PLEKHG1: variants seen among roughly 807,000 people sequenced by gnomAD.
PLEKHG1 encodes the protein pleckstrin homology domain-containing family G member 1.
PLEKHG1 carries 44 observed loss-of-function variants against 100.8 expected under a neutral mutation model. The observed-to-expected ratio is 0.44, with a 90% CI of 0.34 to 0.56. The LOEUF (loss-of-function observed/expected upper bound fraction) is 0.56, where lower values mean the gene tolerates loss of function less well. Among genes scored for constraint, PLEKHG1 ranks in the 20% least tolerant of loss-of-function variants. The pLI, the probability that PLEKHG1 is intolerant of heterozygous loss-of-function variation, is 0.01. For missense variants in PLEKHG1, 1,545 were observed against 1,720.9 expected (o/e 0.90, Z 1.81); for synonymous variants, 640 against 662.5 (o/e 0.97, Z 0.52).
At chr6:150,679,297 G>A (rs1779860597) in intron 3 of PLEKHG1, among the ~76,000 whole-genome samples, 1 of 152,148 alleles carries the variant, frequency 6.6e-6, no homozygotes, top group Non-Finnish European at 1.5e-5. Context: ...GCTCCAAAGA[G>A]ATATTTAGTT....
At chr6:150,611,631 G>A (rs1172372991) in intron 1 of PLEKHG1, among the ~76,000 whole-genome samples, 1 of 152,106 alleles carries the variant, frequency 6.6e-6, no homozygotes, top group South Asian at 2.1e-4. Context: ...GGCCAACATG[G>A]TGAAACCCTG....
chr6:150,679,670 G>A (rs1779870005), intron 3 of PLEKHG1, among the ~76,000 whole-genome samples: 1 of 152,226 alleles, frequency 6.6e-6, no homozygotes, highest in Non-Finnish European at 1.5e-5. Context: ...TGTACTCTGT[G>A]CCAGGTGCTG....
Position 150,758,661 on chromosome 6 carries a change from T to C in PLEKHG1, c.412-9977T>C, listed in dbSNP as rs118126189. ...TTTCTTGACTTTTTAACAATCGTCATTCTGACTAAGCATGAGATGGTATCT... is the reference window on the plus strand; with the variant it reads ...TTTCTTGACTTTTTAACAATCGTCACTCTGACTAAGCATGAGATGGTATCT... On this transcript the variant is annotated intron_variant, in intron 2 of 15. Coordinates refer to ENST00000358517, the Ensembl canonical transcript of PLEKHG1. Among the ~76,000 whole-genome samples, 734 of 152,378 alleles carry C rather than the reference T, an allele frequency of 4.8e-3. 2 individuals carry two copies. The highest frequency in any genetic ancestry group is 8.6e-3 in the Non-Finnish European group (585 of 68,032).
In PLEKHG1 at chr6:150,798,216, T is replaced by A. The variant is rs577773427; in HGVS notation, c.629+2314T>A. Among the ~76,000 whole-genome samples, 102 of 152,278 alleles carry A rather than the reference T, an allele frequency of 6.7e-4. 1 individual carries two copies. In the South Asian group the frequency reaches 0.02, roughly 30 times the overall value. On this transcript the variant is annotated intron_variant, in intron 5 of 15. Transcript: ENST00000358517. ...AGAAATCACAGAATCAGCCCTCATC[T>A]TCTCCACAAAACTTCTTCCTTAGGG...
At chr6:150,763,627 G>A (rs576395257) in intron 2 of PLEKHG1, among the ~76,000 whole-genome samples, 14 of 152,264 alleles carry the variant, frequency 9.2e-5, no homozygotes, top group African/African-American at 2.9e-4. Context: ...TGCAGATGGG[G>A]CCTGCTAGAG....
chr6:150,834,891 G>T (rs1777143882), intron 15 of PLEKHG1, among the ~76,000 whole-genome samples: 2 of 152,332 alleles, frequency 1.3e-5, no homozygotes, highest in South Asian at 4.1e-4. Context: ...GTCCAGCTGG[G>T]TGATCGAGAC....
chr6:150,645,502 A>G (rs1039837371), intron 2 of PLEKHG1, among the ~76,000 whole-genome samples: 7 of 152,214 alleles, frequency 4.6e-5, no homozygotes, highest in Non-Finnish European at 7.4e-5. Flanking sequence ...CATAATCCAT[A>G]ACAGACCTAT....
At chr6:150,691,124 C>T (rs1780336105) in intron 3 of PLEKHG1, among the ~76,000 whole-genome samples, 1 of 152,194 alleles carries the variant, frequency 6.6e-6, no homozygotes, top group Admixed American at 6.5e-5. Context: ...TTCTGTTTGA[C>T]TTATTTCACT....
intron 2 of PLEKHG1, among the ~76,000 whole-genome samples, chr6:150,755,630 G>A (rs1783793594): frequency 6.6e-6 from 1 of 152,158 alleles, no homozygotes; most frequent in African/African-American, 2.4e-5. Flanking sequence ...GACACTGGTG[G>A]TTGTATTCTT....
At chr6:150,801,799 C>T (rs977729811) in intron 6 of PLEKHG1, among the ~76,000 whole-genome samples, 6 of 151,912 alleles carry the variant, frequency 3.9e-5, no homozygotes, top group East Asian at 3.9e-4. Context: ...AAAGTATTAC[C>T]GCAAGTAATT....
intron 1 of PLEKHG1, among the ~76,000 whole-genome samples, chr6:150,631,163 C>T (rs572515742): frequency 2.5e-4 from 38 of 152,182 alleles, no homozygotes; most frequent in Non-Finnish European, 5.4e-4. Flanking sequence ...GAGGTTTCTG[C>T]ATCTTCTGTG....
At chr6:150,753,655 G>A (rs1028725909) in intron 2 of PLEKHG1, among the ~76,000 whole-genome samples, 2 of 152,214 alleles carry the variant, frequency 1.3e-5, no homozygotes, top group African/African-American at 4.8e-5. Context: ...AGAGAGAAAA[G>A]GGTGAGAGTT....
At chr6:150,663,213 G>C (rs1168363357) in intron 3 of PLEKHG1, 1 of 152,104 alleles carries the variant, frequency 6.6e-6, no homozygotes, top group East Asian at 1.9e-4. Flanking sequence ...TGAGAATATT[G>C]ATTTTAAACA....
At chr6:150,739,027 G>A (rs1293555526) in intron 2 of PLEKHG1, among the ~76,000 whole-genome samples, 3 of 152,258 alleles carry the variant, frequency 2.0e-5, no homozygotes, top group East Asian at 1.9e-4. Context: ...TCAGGGGTAG[G>A]GTGGGTGTCT....
chr6:150,724,680 C>T (rs564396911), intron 1 of PLEKHG1, among the ~76,000 whole-genome samples: 1 of 151,510 alleles, frequency 6.6e-6, no homozygotes, highest in Non-Finnish European at 1.5e-5. Context: ...CTGCCTCAGC[C>T]TCCCAAGTAG....
At chr6:150,724,558 C>CTTTTTTTTTT (rs34140367) in intron 1 of PLEKHG1, among the ~76,000 whole-genome samples, 14 of 100,468 alleles carry the variant, frequency 1.4e-4, no homozygotes, top group African/African-American at 5.0e-4. Flanking sequence ...TTTTCTTTTT[C>CTTTTTTTTTT]TTTTTTTTTT....
At chr6:150,721,150 C>G (rs1226482124) in exon 1 of PLEKHG1, 12 of 985,340 alleles carry the variant, frequency 1.2e-5, no homozygotes, top group Non-Finnish European at 1.4e-5. Flanking sequence ...TGACTGAGGT[C>G]ACTGCATCAG....
At chr6:150,664,109 C>T (rs1240826367) in intron 3 of PLEKHG1, 1 of 152,264 alleles carries the variant, frequency 6.6e-6, no homozygotes, top group East Asian at 1.9e-4. Flanking sequence ...CTCTGCTCCA[C>T]CATCCGTGGG....
At position 150,763,024 on chromosome 6, in the gene PLEKHG1, C is replaced by CTTTTTTTTTTTTTTTTT. The variant is rs60462437; in HGVS notation, c.412-5610_412-5594dup. Among the ~76,000 whole-genome samples, 59 of 76,504 alleles carry CTTTTTTTTTTTTTTTTT rather than the reference C, an allele frequency of 7.7e-4. 7 individuals carry two copies. Among genetic ancestry groups the CTTTTTTTTTTTTTTTTT allele is most frequent in the African/African-American group, 3.1e-3 (45 of 14,472 alleles). The allele number at this position is 76,504 out of a possible 152,430, so 50.2% of individuals were successfully genotyped here. On this transcript the variant is annotated intron_variant, in intron 2 of 15. Coordinates refer to ENST00000358517, the Ensembl canonical transcript of PLEKHG1. ...AGCACCAACAGGAGGGATAAAGCTT[C>CTTTTTTTTTTTTTTTTT]TTTTTTTTTTTTTTTTTTTTGAGAC...
Sources: allele counts gnomAD v4.1 joint callset (sites outside exome capture counted in the v4.1 genomes callset), GRCh38; gene constraint gnomAD v4.1.1; transcripts MANE v1.5; gene names NCBI Gene and HGNC (gene_info 2026-07-23, HGNC 2026-07-21).